Variants in ASH1L observed in about 807,000 individuals in gnomAD.
The protein encoded by ASH1L is ASH1 like histone lysine methyltransferase.
ASH1L carries 23 observed loss-of-function variants against 269.0 expected under a neutral mutation model. The observed-to-expected ratio is 0.09, with a 90% CI of 0.06 to 0.12. ASH1L has a LOEUF of 0.12. ASH1L is among the 10% of genes least tolerant of loss of function. The probability of loss-of-function intolerance (pLI) is 1.00; values close to 1 mark genes in which losing one functional copy is unlikely to be tolerated. For missense variants in ASH1L, 2,912 were observed against 3,567.8 expected, an observed-to-expected ratio of 0.82 and a Z score of 4.68; for synonymous variants, 1,187 against 1,253.5, an observed-to-expected ratio of 0.95 and a Z score of 1.12.
chr1:155,412,892 GTTT>G (rs60312610), intron 6 of ASH1L, among the ~76,000 whole-genome samples: 6 of 139,982 alleles, frequency 4.3e-5, no homozygotes, highest in Non-Finnish European at 3.2e-5. Flanking sequence ...TCTTCTGTGT[GTTT>G]TTTTTTTTTT....
At chr1:155,527,631 G>A (rs1165284928) in intron 1 of ASH1L, among the ~76,000 whole-genome samples, 1 of 150,818 alleles carries the variant, frequency 6.6e-6, no homozygotes, top group Non-Finnish European at 1.5e-5. Flanking sequence ...CAAAATCCTG[G>A]GCTCAAGTGA....
rs1455667865 is a variant in ASH1L at position 155,462,962 on chromosome 1, C to G, written c.4985-3064G>C. On this transcript the variant is annotated intron_variant, in intron 3 of 27. Coordinates refer to ENST00000392403, the MANE Select transcript of ASH1L (RefSeq NM_018489.3). ...AAAAACATTAACGATATAAAGCAACCAAGTTTAAGACTGGAAAGTGATGCT... is the reference window on the plus strand; with the variant it reads ...AAAAACATTAACGATATAAAGCAACGAAGTTTAAGACTGGAAAGTGATGCT... Among the ~76,000 whole-genome samples, 15 of 152,184 alleles carry G rather than the reference C, an allele frequency of 9.9e-5. No homozygotes were observed. The East Asian group carries it at 2.9e-3, about 29-fold the overall frequency.
At chr1:155,468,684 T>C (rs911938469) in intron 3 of ASH1L, among the ~76,000 whole-genome samples, 1 of 152,162 alleles carries the variant, frequency 6.6e-6, no homozygotes. Context: ...ATCAACAATA[T>C]TGCAATACCT....
Position 155,482,313 on chromosome 1 carries a change from G to T in ASH1L, c.557C>A (p.Ala186Glu), listed in dbSNP as rs1252172703. Reference sequence around the variant, plus strand: ...AGATGGCGTTGCATTAATATAATCTGCCATTTCTGAGTGTACTGGAGACAG... The same window carrying T: ...AGATGGCGTTGCATTAATATAATCTTCCATTTCTGAGTGTACTGGAGACAG... Reference protein sequence around the residue: ...KKLSPVHSEMADYINATPSTL... With the variant: ...KKLSPVHSEMEDYINATPSTL... The change falls in exon 3 of 28, where the codon GCA becomes GAA. Residue 186 changes from alanine to glutamate, a missense_variant. By Grantham distance (107) the Ala-to-Glu change is moderately radical. Coordinates refer to ENST00000392403, the MANE Select transcript of ASH1L (RefSeq NM_018489.3). 1.3e-5 allele frequency: 21 copies of T among 1,613,992 alleles called. No homozygotes were observed. The highest frequency in any genetic ancestry group is 1.8e-5 in the Non-Finnish European group (21 of 1,180,014).
intron 4 of ASH1L, among the ~76,000 whole-genome samples, chr1:155,459,105 C>G (rs1664093768): frequency 6.6e-6 from 1 of 151,974 alleles, no homozygotes; most frequent in African/African-American, 2.4e-5. Flanking sequence ...TTAAAAATAA[C>G]TATTAATAGA....
intron 1 of ASH1L, among the ~76,000 whole-genome samples, chr1:155,560,518 A>T (rs746666343): frequency 6.6e-6 from 1 of 152,146 alleles, no homozygotes; most frequent in Non-Finnish European, 1.5e-5. Context: ...ACCCAAAAAC[A>T]GTTCTCTGGT....
chr1:155,508,689 G>C (rs1411114075), intron 2 of ASH1L, among the ~76,000 whole-genome samples: 2 of 152,010 alleles, frequency 1.3e-5, no homozygotes, highest in Non-Finnish European at 2.9e-5. Flanking sequence ...AACAATCAGG[G>C]GCTTTCTACT....
chr1:155,450,520 T>C (rs1571246229), intron 4 of ASH1L, among the ~76,000 whole-genome samples: 1 of 152,230 alleles, frequency 6.6e-6, no homozygotes, highest in East Asian at 1.9e-4. Context: ...TTTGGATAAC[T>C]ATTAAGTGTT....
chr1:155,497,810 C>A (rs1398172432), intron 2 of ASH1L, among the ~76,000 whole-genome samples: 2 of 151,274 alleles, frequency 1.3e-5, no homozygotes, highest in African/African-American at 2.4e-5. Flanking sequence ...AGTGCCGTGG[C>A]ACGATCTCGG....
chr1:155,395,308 A>G, intron 7 of ASH1L, 151 bp downstream of exon 7: 1 of 574,672 alleles, frequency 1.7e-6, no homozygotes, highest in South Asian at 2.6e-5. Flanking sequence ...AGTGTATAAA[A>G]TTCTTCAGAG....
At chr1:155,529,509 A>G (rs112654386) in intron 1 of ASH1L, among the ~76,000 whole-genome samples, 9,155 of 152,096 alleles carry the variant, frequency 0.06, 931 homozygotes, top group African/African-American at 0.21. Flanking sequence ...GTGTCTGTTC[A>G]TGTCCTTTAC....
At chr1:155,402,476 T>G (rs759587811) in intron 6 of ASH1L, among the ~76,000 whole-genome samples, 1 of 152,228 alleles carries the variant, frequency 6.6e-6, no homozygotes, top group Non-Finnish European at 1.5e-5. Flanking sequence ...AATGGACATG[T>G]TATTCTAGAG....
rs770441468 is a variant in ASH1L at position 155,562,157 on chromosome 1, T to TCGGAGG, written c.-110_-105dup. On this transcript the variant is annotated 5_prime_UTR_variant, in exon 1 of 28. Transcript: ENST00000392403. ...GGCCCAAATCGTTCTACTCACCGTGTCGGAGGCCGAGGCCGAGGCCGAGAG... is the reference window on the plus strand; with the variant it reads ...GGCCCAAATCGTTCTACTCACCGTGTCGGAGGCGGAGGCCGAGGCCGAGGCCGAGAG... 71 of 1,565,748 alleles carry TCGGAGG rather than the reference T, an allele frequency of 4.5e-5. No homozygotes were observed. In the East Asian group the frequency reaches 8.6e-4, roughly 19 times the overall value.
intron 5 of ASH1L, among the ~76,000 whole-genome samples, chr1:155,432,773 T>C (rs1661702592): frequency 6.6e-6 from 1 of 152,212 alleles, no homozygotes. Flanking sequence ...TCTTACTCTG[T>C]CATCCAGGTT....
Position 155,562,405 on chromosome 1 carries a change from G to C in ASH1L, c.-352C>G. ...TGGGATCGTCTCCCCTCCGCAAAGC[G>C]AACCCAAAATGGCGGCGGGAGCGGC... On this transcript the variant is annotated 5_prime_UTR_variant, in exon 1 of 28. Coordinates refer to ENST00000392403, the MANE Select transcript of ASH1L (RefSeq NM_018489.3). The C allele has an allele frequency of 1.3e-6, 2 of 1,496,052 alleles. No homozygotes were observed. Among genetic ancestry groups the C allele is most frequent in the Non-Finnish European group, 9.1e-7 (1 of 1,101,746 alleles). 92.7% of individuals were successfully genotyped at this position (1,496,052 alleles called of 1,614,324 possible).
intron 1 of ASH1L, among the ~76,000 whole-genome samples, chr1:155,542,387 A>T (rs1370063898): frequency 6.6e-6 from 1 of 151,998 alleles, no homozygotes; most frequent in Non-Finnish European, 1.5e-5. Flanking sequence ...ATCTCTATCA[A>T]AAATACAAAA....
chr1:155,348,881 A>AT lies in ASH1L; in HGVS notation c.7554+445dup, dbSNP rs1268911928. Among the ~76,000 whole-genome samples, 3 of 128,776 alleles carry AT rather than the reference A, an allele frequency of 2.3e-5. No individual in the cohort carries two copies. In the East Asian group the frequency reaches 6.5e-4, roughly 28 times the overall value. 84.5% of individuals were successfully genotyped at this position (128,776 alleles called of 152,430 possible). A position where few individuals can be genotyped will look rare whatever the true frequency, so the allele number is the denominator to read the frequency against. On this transcript the variant is annotated intron_variant, in intron 19 of 27. Transcript: ENST00000392403. ...GGGTGACAGAGCAAGATTCTGTCTC[A>AT]TTTAAAAAAAAAAAAAAAATATATA...
intron 3 of ASH1L, among the ~76,000 whole-genome samples, chr1:155,470,463 CAAAAAACAAA>C (rs985622926): frequency 1.4e-5 from 2 of 145,340 alleles, no homozygotes; most frequent in African/African-American, 5.2e-5. Flanking sequence ...TCTCAAAAAA[CAAAAAACAAA>C]AAAAAACAAA....
At chr1:155,418,528 T>TTA (rs1437646368) in intron 5 of ASH1L, among the ~76,000 whole-genome samples, 1 of 151,782 alleles carries the variant, frequency 6.6e-6, no homozygotes, top group Non-Finnish European at 1.5e-5. Flanking sequence ...AGGAGAAAAC[T>TTA]TACTACTAAA....
Sources: allele counts gnomAD v4.1 joint callset (sites outside exome capture counted in the v4.1 genomes callset), GRCh38; gene constraint gnomAD v4.1.1; transcripts MANE v1.5; gene names NCBI Gene and HGNC (gene_info 2026-07-23, HGNC 2026-07-21).